MYT1L: variants seen among roughly 807,000 people sequenced by gnomAD.
MYT1L encodes the protein myelin transcription factor 1-like protein.
A neutral mutation model predicts 126.7 loss-of-function variants in MYT1L; 12 were observed. That is an observed-to-expected ratio of 0.09 (90% CI 0.06 to 0.15). MYT1L has a LOEUF of 0.15. Among genes scored for constraint, MYT1L ranks in the 10% least tolerant of loss-of-function variants. MYT1L has a pLI of 1.00. For missense variants in MYT1L, 979 were observed against 1,585.2 expected (o/e 0.62, Z 6.49); for synonymous variants, 541 against 604.2 (o/e 0.90, Z 1.53).
At chr2:1,847,786 G>C (rs2042697653) in intron 19 of MYT1L, among the ~76,000 whole-genome samples, 1 of 152,194 alleles carries the variant, frequency 6.6e-6, no homozygotes, top group South Asian at 2.1e-4. Context: ...TGAGGACGGA[G>C]AGTCGGCAAA....
At chr2:2,267,306 G>C (rs966766756) in intron 2 of MYT1L, among the ~76,000 whole-genome samples, 1 of 152,216 alleles carries the variant, frequency 6.6e-6, no homozygotes, top group African/African-American at 2.4e-5. Flanking sequence ...AAGCACAGGG[G>C]CCTCGCCCTC....
intron 3 of MYT1L, among the ~76,000 whole-genome samples, chr2:2,148,638 T>A (rs1408689744): frequency 2.6e-5 from 4 of 152,140 alleles, no homozygotes; most frequent in African/African-American, 4.8e-5. Flanking sequence ...AATACGGTTG[T>A]CTCCAGGGCA....
intron 18 of MYT1L, among the ~76,000 whole-genome samples, chr2:1,854,395 G>A (rs775456075): frequency 3.9e-5 from 6 of 152,102 alleles, no homozygotes; most frequent in East Asian, 3.9e-4. Context: ...ACCCAAGTCC[G>A]CTAAATAAGC....
Position 1,811,370 on chromosome 2 carries a change from A to ATCATCAGCTCCGGCG in MYT1L, c.3081-2204_3081-2203insCGCCGGAGCTGATGA, listed in dbSNP as rs1553396877. 4.1e-5 allele frequency: 6 copies of ATCATCAGCTCCGGCG among 147,078 alleles called. No homozygotes were observed. Among genetic ancestry groups the ATCATCAGCTCCGGCG allele is most frequent in the Non-Finnish European group, 7.5e-5 (5 of 66,964 alleles). 9.1% of individuals were successfully genotyped at this position (147,078 alleles called of 1,614,324 possible). A position where few individuals can be genotyped will look rare whatever the true frequency, so the allele number is the denominator to read the frequency against. On this transcript the variant is annotated intron_variant, in intron 21 of 24. Coordinates refer to ENST00000647738, the MANE Select transcript of MYT1L (RefSeq NM_001303052.2). This position sits in a 1 kb window ranked among gnomAD's most constrained non-coding sequence, Gnocchi z 4.4. ...TAACCCCAGCGTCATCAGCTCCAGC[A>ATCATCAGCTCCGGCG]TCATCAGCTCTGGCGTCATCAGCTC...
At chr2:2,263,952 A>G (rs980742509) in intron 2 of MYT1L, among the ~76,000 whole-genome samples, 1 of 152,240 alleles carries the variant, frequency 6.6e-6, no homozygotes, top group Non-Finnish European at 1.5e-5. Flanking sequence ...AACTCAAAGT[A>G]TAATTTTAAA....
intron 14 of MYT1L, among the ~76,000 whole-genome samples, chr2:1,897,746 A>C (rs1184321135): frequency 6.6e-6 from 1 of 152,182 alleles, no homozygotes; most frequent in East Asian, 1.9e-4. Context: ...TACAGGCATA[A>C]GCCACCACGC....
chr2:1,885,892 TG>T (rs1323571971), intron 18 of MYT1L, among the ~76,000 whole-genome samples: 2 of 152,170 alleles, frequency 1.3e-5, no homozygotes, highest in African/African-American at 4.8e-5. Context: ...GAGATGTCTA[TG>T]TGAAGGAGGA....
intron 23 of MYT1L, among the ~76,000 whole-genome samples, chr2:1,795,004 T>C (rs1270603567): frequency 6.6e-6 from 1 of 152,154 alleles, no homozygotes; most frequent in Non-Finnish European, 1.5e-5. Flanking sequence ...TCTTGCAGCC[T>C]CACCTCCCTC....
At chr2:2,108,301 A>G (rs979694165) in intron 3 of MYT1L, among the ~76,000 whole-genome samples, 9 of 152,150 alleles carry the variant, frequency 5.9e-5, no homozygotes, top group African/African-American at 1.2e-4. Context: ...CCTCCTGAAC[A>G]TGGATCCGAT....
chr2:1,847,618 G>GA (rs1361480419), intron 19 of MYT1L, among the ~76,000 whole-genome samples: 1 of 151,994 alleles, frequency 6.6e-6, no homozygotes, highest in Non-Finnish European at 1.5e-5. Flanking sequence ...TGGGGGGTCG[G>GA]AAAAAAGAGC....
intron 1 of MYT1L, among the ~76,000 whole-genome samples, chr2:2,290,403 C>G (rs925688353): frequency 6.6e-6 from 1 of 152,176 alleles, no homozygotes; most frequent in African/African-American, 2.4e-5. Context: ...GACTAGCGTG[C>G]TGTGTGCTTT....
intron 2 of MYT1L, among the ~76,000 whole-genome samples, chr2:2,215,374 T>G (rs1365932962): frequency 6.6e-6 from 1 of 152,088 alleles, no homozygotes; most frequent in Non-Finnish European, 1.5e-5. Flanking sequence ...CTTGCACTAG[T>G]CAAAAGAAAG....
chr2:2,084,550 C>A (rs1308373116), intron 3 of MYT1L, among the ~76,000 whole-genome samples: 2 of 152,170 alleles, frequency 1.3e-5, no homozygotes, highest in Admixed American at 1.3e-4. Flanking sequence ...AGGGGCAGCA[C>A]CTCCATCCAC....
intron 3 of MYT1L, among the ~76,000 whole-genome samples, chr2:2,093,911 CT>C (rs1558988833): frequency 6.6e-6 from 1 of 152,192 alleles, no homozygotes; most frequent in Non-Finnish European, 1.5e-5. Flanking sequence ...CTACATATGG[CT>C]AGCCAGTTTT....
chr2:2,266,344 T>A (rs1427358321), intron 2 of MYT1L, among the ~76,000 whole-genome samples: 1 of 152,166 alleles, frequency 6.6e-6, no homozygotes, highest in Admixed American at 6.5e-5. Context: ...GGAATTTGCA[T>A]CAGGAGCAGT....
chr2:2,054,935 T>C (rs563460749), intron 3 of MYT1L, among the ~76,000 whole-genome samples: 2 of 151,538 alleles, frequency 1.3e-5, no homozygotes, highest in Admixed American at 6.6e-5. Flanking sequence ...GGAGATGAGA[T>C]ACATGGAAAT....
chr2:1,981,138 C>T (rs1377888590), intron 5 of MYT1L, among the ~76,000 whole-genome samples: 1 of 152,150 alleles, frequency 6.6e-6, no homozygotes, highest in Non-Finnish European at 1.5e-5. Flanking sequence ...ATCAGAAATC[C>T]ACATGGACAG....
chr2:2,012,368 C>T (rs78750778), intron 4 of MYT1L, among the ~76,000 whole-genome samples: 41 of 152,314 alleles, frequency 2.7e-4, no homozygotes, highest in African/African-American at 9.1e-4. Flanking sequence ...CAGTCTCACA[C>T]GGCCACGTCT....
chr2:2,102,118 C>A (rs1033567980), intron 3 of MYT1L, among the ~76,000 whole-genome samples: 1 of 152,170 alleles, frequency 6.6e-6, no homozygotes, highest in Non-Finnish European at 1.5e-5. Context: ...CCTACTTATA[C>A]CACTGGGGGG....
Sources: gnomAD v4.1 joint callset for allele counts (sites outside exome capture counted in the v4.1 genomes callset) on GRCh38, gnomAD v4.1.1 for gene constraint, Gnocchi (gnomAD v3.1) non-coding constraint, MANE v1.5 for transcripts, NCBI Gene and HGNC (gene_info 2026-07-23, HGNC 2026-07-21) for gene names.